SCPPPQ1: variants seen among roughly 807,000 people sequenced by gnomAD.
The protein encoded by SCPPPQ1 is secretory calcium-binding phosphoprotein proline- and glutamine-rich 1.
chr4:87,464,173 T>C, the SCPPPQ1 span, among the ~76,000 whole-genome samples: 1 of 152,132 alleles, frequency 6.6e-6, no homozygotes, highest in South Asian at 2.1e-4. Flanking sequence ...CAGAATATAT[T>C]TACCGCGATA....
the SCPPPQ1 span, among the ~76,000 whole-genome samples, chr4:87,463,033 G>GT: frequency 1.3e-4 from 19 of 147,840 alleles, no homozygotes; most frequent in East Asian, 3.6e-3. Flanking sequence ...AAACTTTGTT[G>GT]TTTGAAATTT....
At chr4:87,469,947 CTTTTTTT>C in the SCPPPQ1 span, among the ~76,000 whole-genome samples, 1,210 of 114,926 alleles carry the variant, frequency 0.011, 17 homozygotes, top group African/African-American at 0.035. Flanking sequence ...ACACACAAAT[CTTTTTTT>C]TTTTTTTTTT....
At chr4:87,461,840 CT>C in the SCPPPQ1 span, 7 of 152,076 alleles carry the variant, frequency 4.6e-5, no homozygotes, top group Non-Finnish European at 1.0e-4. Flanking sequence ...ATTAATTGGT[CT>C]TGTTTACACC....
the SCPPPQ1 span, among the ~76,000 whole-genome samples, chr4:87,470,593 G>A: frequency 3.3e-5 from 5 of 152,070 alleles, no homozygotes; most frequent in African/African-American, 1.2e-4. Context: ...ACATTTTTAT[G>A]TTTTAAAAAT....
chr4:87,467,712 G>A, the SCPPPQ1 span, among the ~76,000 whole-genome samples: 8 of 152,122 alleles, frequency 5.3e-5, no homozygotes, highest in Admixed American at 5.2e-4. Context: ...ACTGCCTAAA[G>A]CCTCATATTT....
At chr4:87,467,088 C>A in the SCPPPQ1 span, among the ~76,000 whole-genome samples, 12 of 152,218 alleles carry the variant, frequency 7.9e-5, no homozygotes, top group Non-Finnish European at 1.5e-4. Flanking sequence ...TCCTTCAAGA[C>A]CTGGTTCAGA....
the SCPPPQ1 span, among the ~76,000 whole-genome samples, chr4:87,464,043 G>C: frequency 6.6e-6 from 1 of 152,130 alleles, no homozygotes; most frequent in African/African-American, 2.4e-5. Context: ...TCTTAGGCAC[G>C]AACAATGCCC....
the SCPPPQ1 span, among the ~76,000 whole-genome samples, chr4:87,466,669 C>T: frequency 2.0e-5 from 3 of 152,056 alleles, no homozygotes; most frequent in Non-Finnish European, 4.4e-5. Context: ...TACACAAAAT[C>T]ATGTTTGTAT....
At chr4:87,465,559 C>CAAAAAAAAAA in the SCPPPQ1 span, among the ~76,000 whole-genome samples, 10 of 98,310 alleles carry the variant, frequency 1.0e-4, no homozygotes, top group East Asian at 2.6e-4. Context: ...TAGAAATCTA[C>CAAAAAAAAAA]AAAAAAAAAA....
At chr4:87,461,599 C>T in the SCPPPQ1 span, among the ~76,000 whole-genome samples, 14 of 152,128 alleles carry the variant, frequency 9.2e-5, no homozygotes, top group Non-Finnish European at 2.1e-4. Context: ...CTTTTGAAAG[C>T]ATTTCAAACT....
chr4:87,463,039 A>G, the SCPPPQ1 span, among the ~76,000 whole-genome samples: 1 of 151,996 alleles, frequency 6.6e-6, no homozygotes, highest in African/African-American at 2.4e-5. Flanking sequence ...TGTTGTTTGA[A>G]ATTTCATATT....
At chr4:87,466,077 A>G in the SCPPPQ1 span, among the ~76,000 whole-genome samples, 1 of 152,196 alleles carries the variant, frequency 6.6e-6, no homozygotes, top group East Asian at 1.9e-4. Context: ...CAAGACTCCA[A>G]GATTTTGCAT....
the SCPPPQ1 span, chr4:87,462,063 A>G: frequency 9.9e-5 from 15 of 152,240 alleles, no homozygotes; most frequent in Admixed American, 9.2e-4. Context: ...TTTTCACCAC[A>G]ATTCCTTCTT....
chr4:87,465,346 A>T, the SCPPPQ1 span, among the ~76,000 whole-genome samples: 1 of 152,128 alleles, frequency 6.6e-6, no homozygotes, highest in Non-Finnish European at 1.5e-5. Flanking sequence ...GTGAAATTTG[A>T]ACATTCAATT....
At chr4:87,467,136 AT>A in the SCPPPQ1 span, among the ~76,000 whole-genome samples, 1 of 152,132 alleles carries the variant, frequency 6.6e-6, no homozygotes, top group South Asian at 2.1e-4. Context: ...ATAGCTTTGT[AT>A]TTGTGTCTCG....
chr4:87,466,359 G>A, the SCPPPQ1 span, among the ~76,000 whole-genome samples: 1 of 152,072 alleles, frequency 6.6e-6, no homozygotes, highest in East Asian at 1.9e-4. Flanking sequence ...AACAGAGAGA[G>A]ACTCTGTCTC....
chr4:87,465,804 C>T, the SCPPPQ1 span, among the ~76,000 whole-genome samples: 1 of 152,094 alleles, frequency 6.6e-6, no homozygotes, highest in Non-Finnish European at 1.5e-5. Flanking sequence ...ATAATATTTT[C>T]TTTCAAGAGG....
At chr4:87,468,383 A>G in the SCPPPQ1 span, among the ~76,000 whole-genome samples, 6 of 152,210 alleles carry the variant, frequency 3.9e-5, no homozygotes. Context: ...GTGGAAATGT[A>G]CACTTAAGTT....
At chr4:87,467,177 C>T in the SCPPPQ1 span, among the ~76,000 whole-genome samples, 1 of 152,182 alleles carries the variant, frequency 6.6e-6, no homozygotes, top group Admixed American at 6.5e-5. Context: ...TTGTAGTTTC[C>T]CTTTATGAGT....
Sources: allele counts gnomAD v4.1 joint callset (sites outside exome capture counted in the v4.1 genomes callset), GRCh38; gene constraint gnomAD v4.1.1; transcripts MANE v1.5; gene names NCBI Gene and HGNC (gene_info 2026-07-23, HGNC 2026-07-21).